The following VPS13D variants were observed in gnomAD, a reference collection of about 807,000 sequenced individuals.
VPS13D encodes the protein vacuolar protein sorting 13 homolog D.
Under a neutral mutation model 461.9 loss-of-function variants are expected in VPS13D, and 187 were observed. The ratio of observed to expected loss-of-function variants is 0.40; its 90% CI spans 0.36 to 0.46. VPS13D has a LOEUF of 0.46. Among genes scored for constraint, VPS13D ranks in the 20% least tolerant of loss-of-function variants. VPS13D has a pLI of 0.60. For missense variants in VPS13D, 4,711 were observed against 5,364.9 expected (o/e 0.88, Z 3.81); for synonymous variants, 1,951 against 1,986.3 (o/e 0.98, Z 0.47).
At chr1:12,424,917 G>A (rs549628415) in intron 65 of VPS13D, among the ~76,000 whole-genome samples, 1 of 152,148 alleles carries the variant, frequency 6.6e-6, no homozygotes, top group African/African-American at 2.4e-5. Context: ...CCCAAAAGTA[G>A]TGGTTTTCTA....
chr1:12,459,948 ATTTT>A (rs779399019), intron 66 of VPS13D, among the ~76,000 whole-genome samples: 5 of 122,106 alleles, frequency 4.1e-5, no homozygotes, highest in East Asian at 2.4e-4. Flanking sequence ...CTTTTCTCTG[ATTTT>A]TTTTTTTTTT....
chr1:12,475,497 G>T (rs1645618935), intron 67 of VPS13D, among the ~76,000 whole-genome samples: 1 of 152,208 alleles, frequency 6.6e-6, no homozygotes, highest in Non-Finnish European at 1.5e-5. Context: ...CCCGATAATG[G>T]ATTCTAAAAA....
chr1:12,433,571 G>T (rs957940331), intron 65 of VPS13D, among the ~76,000 whole-genome samples: 2 of 152,242 alleles, frequency 1.3e-5, no homozygotes, highest in African/African-American at 4.8e-5. Context: ...TGCAGCTGGG[G>T]TCATTCCAAG....
In VPS13D at chr1:12,400,279, A is replaced by G; in HGVS notation, c.11733A>G (p.Gln3911=). ...NEVIETGPAV[Q]VNAVKFPSKS... is the part of the protein sequence containing the mutation. Reference sequence around the variant, plus strand: ...TCATCGAGACCGGCCCAGCTGTGCAAGTCAACGCAGTGAAGTTCCCCAGTA... The same window carrying G: ...TCATCGAGACCGGCCCAGCTGTGCAGGTCAACGCAGTGAAGTTCCCCAGTA... Residue 3911 remains glutamine (Q), a synonymous_variant, in exon 61 of 70, where the codon CAA becomes CAG. Coordinates refer to ENST00000620676, the MANE Select transcript of VPS13D (RefSeq NM_015378.4). The G allele has an allele frequency of 6.2e-7, 1 of 1,614,148 alleles. No individual in the cohort carries two copies. The highest frequency in any genetic ancestry group is 8.5e-7 in the Non-Finnish European group (1 of 1,180,034).
At chr1:12,264,820 A>C (rs905614675) in intron 13 of VPS13D, among the ~76,000 whole-genome samples, 2 of 152,240 alleles carry the variant, frequency 1.3e-5, no homozygotes, top group Non-Finnish European at 1.5e-5. Flanking sequence ...TTCATTGTAG[A>C]TGAAAAGGCC....
intron 66 of VPS13D, among the ~76,000 whole-genome samples, chr1:12,457,292 C>G (rs1172928159): frequency 1.3e-5 from 2 of 152,218 alleles, no homozygotes; most frequent in African/African-American, 4.8e-5. Context: ...CTTCTGCTCT[C>G]CCTCCTCTGC....
At chr1:12,291,750 G>C (rs1423520847) in intron 23 of VPS13D, among the ~76,000 whole-genome samples, 4 of 152,150 alleles carry the variant, frequency 2.6e-5, no homozygotes, top group Non-Finnish European at 5.9e-5. Flanking sequence ...TGCAGTCTTC[G>C]TGCATCAGTT....
chr1:12,467,903 C>G (rs573808192), intron 67 of VPS13D, among the ~76,000 whole-genome samples: 1 of 151,752 alleles, frequency 6.6e-6, no homozygotes, highest in East Asian at 1.9e-4. Context: ...ACCACACTAT[C>G]CTGCTTCCAA....
At chr1:12,335,577 G>T in intron 38 of VPS13D, 128 bp from the exon 39 acceptor site, 1 of 1,221,260 alleles carries the variant, frequency 8.2e-7, no homozygotes. Flanking sequence ...AGACTTTCTC[G>T]GAATCTAGCA....
rs1036614604 is a variant in VPS13D, at chr1:12,495,924, T to C, written c.12663-1576T>C. On this transcript the variant is annotated intron_variant, in intron 67 of 69. Coordinates refer to ENST00000620676, the MANE Select transcript of VPS13D (RefSeq NM_015378.4). This position sits in a 1 kb window ranked among gnomAD's most constrained non-coding sequence, Gnocchi z 4.0. ...GCCAAGCTCCTTCCCCCAACCCCGCTGCCTGCAGAGGTTACCAGCATCCTC... is the reference window on the plus strand; with the variant it reads ...GCCAAGCTCCTTCCCCCAACCCCGCCGCCTGCAGAGGTTACCAGCATCCTC... 1.3e-5 allele frequency among the ~76,000 whole-genome samples: 2 copies of C among 152,186 alleles called. No homozygotes were observed. The highest frequency in any genetic ancestry group is 4.8e-5 in the African/African-American group (2 of 41,442).
At chr1:12,313,803 A>G (rs1209124845) in intron 29 of VPS13D, among the ~76,000 whole-genome samples, 1 of 152,158 alleles carries the variant, frequency 6.6e-6, no homozygotes, top group Non-Finnish European at 1.5e-5. Flanking sequence ...GCCTTCTTAG[A>G]CTTCTGATGG....
chr1:12,430,777 T>C (rs1324517602), intron 65 of VPS13D, among the ~76,000 whole-genome samples: 1 of 152,234 alleles, frequency 6.6e-6, no homozygotes, highest in Non-Finnish European at 1.5e-5. Context: ...ATTGTGTGAA[T>C]GCTTGGTTCT....
intron 17 of VPS13D, 145 bp from the exon 18 acceptor site, chr1:12,272,858 C>T (rs1184348842): frequency 8.7e-7 from 1 of 1,155,824 alleles, no homozygotes; most frequent in Non-Finnish European, 1.2e-6. Context: ...TTTACATCTA[C>T]TTTTGTCTTA....
chr1:12,381,652 C>T lies in VPS13D; in HGVS notation c.11191-1324C>T, dbSNP rs1225335325. Among the ~76,000 whole-genome samples, 5 of 152,366 alleles carry T rather than the reference C, an allele frequency of 3.3e-5. No individual in the cohort carries two copies. In the East Asian group the frequency reaches 9.6e-4, roughly 29 times the overall value. On this transcript the variant is annotated intron_variant, in intron 57 of 69. Transcript: ENST00000620676. ...TCACAGCAGCCATACTTCCACCACTCACAGATGGCTGAGTGTTCAGACTGT... is the reference window on the plus strand; with the variant it reads ...TCACAGCAGCCATACTTCCACCACTTACAGATGGCTGAGTGTTCAGACTGT...
In VPS13D at chr1:12,341,888, A is replaced by G. The variant is rs1569953482; in HGVS notation, c.8732+3A>G. The G allele has an allele frequency of 6.2e-7, 1 of 1,613,850 alleles. No individual in the cohort carries two copies. Among genetic ancestry groups the G allele is most frequent in the East Asian group, 2.2e-5 (1 of 44,880 alleles). Reference sequence around the variant, plus strand: ...ACCCTGACCACCACACCCACCAGGTAAGCAGTCAGTTTATATTACCCCGAG... The same window carrying G: ...ACCCTGACCACCACACCCACCAGGTGAGCAGTCAGTTTATATTACCCCGAG... On this transcript the variant is annotated splice_donor_region_variant and intron_variant, in intron 41 of 69. Transcript: ENST00000620676.
chr1:12,438,423 T>C (rs1570171608), intron 65 of VPS13D, among the ~76,000 whole-genome samples: 4 of 152,310 alleles, frequency 2.6e-5, no homozygotes, highest in African/African-American at 9.6e-5. Context: ...CCTCCAGAAC[T>C]GTGAGAAACA....
intron 61 of VPS13D, 131 bp from the exon 62 acceptor site, chr1:12,401,477 A>G (rs749718677): frequency 1.7e-6 from 1 of 580,076 alleles, no homozygotes; most frequent in South Asian, 2.6e-5. Context: ...TAACCCAGAA[A>G]TAATTTGGCA....
intron 65 of VPS13D, among the ~76,000 whole-genome samples, chr1:12,449,900 A>C (rs1215721733): frequency 6.6e-6 from 1 of 152,198 alleles, no homozygotes; most frequent in East Asian, 1.9e-4. Flanking sequence ...CGAGGTAGGC[A>C]GATCACATGA....
chr1:12,265,631 A>C (rs1018506908), intron 13 of VPS13D, among the ~76,000 whole-genome samples: 4 of 152,194 alleles, frequency 2.6e-5, no homozygotes, highest in Non-Finnish European at 5.9e-5. Context: ...GAAGAAATCA[A>C]CCCTCTTGGA....
Sources: gnomAD v4.1 joint callset for allele counts (sites outside exome capture counted in the v4.1 genomes callset) on GRCh38, gnomAD v4.1.1 for gene constraint, Gnocchi (gnomAD v3.1) non-coding constraint, MANE v1.5 for transcripts, NCBI Gene and HGNC (gene_info 2026-07-23, HGNC 2026-07-21) for gene names.